XPR1: variants seen among roughly 807,000 people sequenced by gnomAD.
XPR1 encodes xenotropic and polytropic retrovirus receptor 1, also known as solute carrier family 53 member 1.
XPR1 carries 28 observed loss-of-function variants against 87.5 expected under a neutral mutation model. The observed-to-expected ratio is 0.32, with a 90% CI of 0.24 to 0.44. The LOEUF is 0.44. XPR1 is among the 20% of genes least tolerant of loss of function. The pLI is 1.00. For synonymous variants in XPR1, 300 were observed against 306.1 expected (o/e 0.98, Z 0.21); for missense variants, 559 against 862.3 (o/e 0.65, Z 4.41).
intron 2 of XPR1, among the ~76,000 whole-genome samples, chr1:180,763,457 C>T (rs79889234): frequency 2.8e-4 from 42 of 152,278 alleles, no homozygotes; most frequent in East Asian, 2.5e-3. Context: ...AGTATACCCT[C>T]GGAGTCTGTG....
chr1:180,738,573 C>T (rs1658809487), intron 2 of XPR1, among the ~76,000 whole-genome samples: 1 of 152,284 alleles, frequency 6.6e-6, no homozygotes, highest in South Asian at 2.1e-4. Flanking sequence ...TTAGTATATT[C>T]AGAGTTATGT....
At chr1:180,883,617 G>A (rs983111564) in intron 14 of XPR1, among the ~76,000 whole-genome samples, 1 of 151,118 alleles carries the variant, frequency 6.6e-6, no homozygotes, top group Non-Finnish European at 1.5e-5. Flanking sequence ...GCTGAGGCAG[G>A]AGAATTGCTT....
In XPR1 at chr1:180,702,896, T is replaced by C. The variant is rs572031269; in HGVS notation, c.121+20485T>C. 4.5e-4 allele frequency among the ~76,000 whole-genome samples: 69 copies of C among 152,298 alleles called. No homozygotes were observed. In the Middle Eastern group the frequency reaches 0.017, roughly 38 times the overall value. On this transcript the variant is annotated intron_variant, in intron 2 of 14. Transcript: ENST00000367590. ...CTTATGCTGATATCTGCACCTCTGA[T>C]TTAACAGTCACTTCTTCCAATTTTA...
chr1:180,655,291 G>C (rs1655417071), intron 1 of XPR1, among the ~76,000 whole-genome samples: 1 of 151,556 alleles, frequency 6.6e-6, no homozygotes, highest in African/African-American at 2.4e-5. Flanking sequence ...AGTTTTAGGA[G>C]TTCTCTATCT....
chr1:180,826,523 T>C lies in XPR1; in HGVS notation c.1134+1179T>C, dbSNP rs546896051. ...TGTTAGTGCCGCTACACTCCCAGCC[T>C]GGGCAACAGACTGAGACCCTATCTC... is the stretch of plus-strand genomic sequence containing the variant. On this transcript the variant is annotated intron_variant, in intron 9 of 14. Transcript: ENST00000367590. 8.5e-5 allele frequency among the ~76,000 whole-genome samples: 13 copies of C among 152,242 alleles called. No homozygotes were observed. The South Asian group carries it at 2.7e-3, about 32-fold the overall frequency.
intron 2 of XPR1, among the ~76,000 whole-genome samples, chr1:180,730,085 C>G (rs1658500586): frequency 6.6e-6 from 1 of 152,160 alleles, no homozygotes; most frequent in African/African-American, 2.4e-5. Flanking sequence ...AGGAAGGAGT[C>G]CAGTTTCAGT....
intron 1 of XPR1, among the ~76,000 whole-genome samples, chr1:180,680,123 G>A (rs1656515335): frequency 6.6e-6 from 1 of 151,986 alleles, no homozygotes; most frequent in Admixed American, 6.6e-5. Context: ...TAAAGAAAAT[G>A]CTTAACATCA....
At chr1:180,746,972 CT>C (rs1647282591) in intron 2 of XPR1, among the ~76,000 whole-genome samples, 1 of 152,088 alleles carries the variant, frequency 6.6e-6, no homozygotes, top group Non-Finnish European at 1.5e-5. Context: ...TTAAAATCCT[CT>C]TTGTGATTTT....
intron 1 of XPR1, among the ~76,000 whole-genome samples, chr1:180,662,577 G>A (rs931693913): frequency 2.6e-5 from 4 of 152,132 alleles, no homozygotes; most frequent in African/African-American, 9.7e-5. Context: ...ACCTTTGGGA[G>A]TTTAATTATT....
chr1:180,874,128 C>G (rs996356395), intron 13 of XPR1, 186 bp downstream of exon 13: 26 of 655,350 alleles, frequency 4.0e-5, no homozygotes, highest in Non-Finnish European at 5.8e-5. Context: ...CTCTTGACCT[C>G]AGTTGATCCA....
intron 1 of XPR1, among the ~76,000 whole-genome samples, chr1:180,653,336 A>T (rs1306886643): frequency 6.6e-6 from 1 of 152,182 alleles, no homozygotes; most frequent in Non-Finnish European, 1.5e-5. Flanking sequence ...CTGATATACA[A>T]ATCTAATGGT....
intron 1 of XPR1, among the ~76,000 whole-genome samples, chr1:180,668,123 CTTTT>C (rs758456790): frequency 1.1e-5 from 1 of 94,698 alleles, no homozygotes; most frequent in Non-Finnish European, 2.0e-5. Flanking sequence ...TTCCCTCTAT[CTTTT>C]TTTTTTTTTT....
At chr1:180,724,293 G>A (rs1658266420) in intron 2 of XPR1, among the ~76,000 whole-genome samples, 1 of 152,176 alleles carries the variant, frequency 6.6e-6, no homozygotes, top group Non-Finnish European at 1.5e-5. Flanking sequence ...ATTAAGCACA[G>A]TAAGCACAGT....
At chr1:180,854,424 T>C (rs1651968518) in intron 11 of XPR1, among the ~76,000 whole-genome samples, 1 of 152,248 alleles carries the variant, frequency 6.6e-6, no homozygotes, top group Non-Finnish European at 1.5e-5. Context: ...GTTACATATG[T>C]CCCATGTTCA....
At chr1:180,676,085 A>T (rs887563940) in intron 1 of XPR1, among the ~76,000 whole-genome samples, 1 of 152,194 alleles carries the variant, frequency 6.6e-6, no homozygotes, top group Non-Finnish European at 1.5e-5. Flanking sequence ...CTCCTTATAA[A>T]ATTCAAATTC....
At chr1:180,779,655 G>A (rs550334729) in intron 2 of XPR1, among the ~76,000 whole-genome samples, 1 of 151,880 alleles carries the variant, frequency 6.6e-6, no homozygotes, top group Non-Finnish European at 1.5e-5. Context: ...GGAGGCTGAG[G>A]CAGGAGAATC....
At chr1:180,874,461 C>T (rs372347579) in intron 13 of XPR1, among the ~76,000 whole-genome samples, 217 of 152,066 alleles carry the variant, frequency 1.4e-3, no homozygotes, top group African/African-American at 4.5e-3. Context: ...AGGCCGAGGC[C>T]GGTGGATCAC....
intron 2 of XPR1, among the ~76,000 whole-genome samples, chr1:180,691,230 C>A (rs750515769): frequency 3.2e-4 from 49 of 151,948 alleles, no homozygotes; most frequent in Middle Eastern, 3.2e-3. Context: ...TAAACCGTTT[C>A]TTTTTGTGTT....
intron 1 of XPR1, among the ~76,000 whole-genome samples, chr1:180,644,414 T>G (rs1655046929): frequency 6.6e-6 from 1 of 152,050 alleles, no homozygotes; most frequent in African/African-American, 2.4e-5. Flanking sequence ...CTTTTTTTTT[T>G]TTTTTAAGAT....
Sources: gnomAD v4.1 joint callset for allele counts (sites outside exome capture counted in the v4.1 genomes callset) on GRCh38, gnomAD v4.1.1 for gene constraint, MANE v1.5 for transcripts, NCBI Gene and HGNC (gene_info 2026-07-23, HGNC 2026-07-21) for gene names.